Variants in GALNS observed in about 807,000 individuals in gnomAD.
GALNS encodes N-acetylgalactosamine-6-sulfatase.
Under a neutral mutation model 65.9 loss-of-function variants are expected in GALNS, and 65 were observed. The observed-to-expected ratio is 0.99, with a 90% confidence interval of 0.81 to 1.21. The LOEUF (loss-of-function observed/expected upper bound fraction) is 1.21. GALNS is among the 50% of genes most tolerant of loss of function. The pLI is 0.00. For synonymous variants in GALNS, 346 were observed against 288.9 expected (o/e 1.20, Z -2.00); for missense variants, 776 against 700.7 (o/e 1.11, Z -1.21).
Position 88,824,826 on chromosome 16 carries a change from G to C in GALNS, c.1183C>G (p.Leu395Val), listed in dbSNP as rs767701478. The change falls in exon 11 of 14, where the codon CTC becomes GTC. Residue 395 changes from leucine (L) to valine (V), a missense_variant. Leu to Val is a conservative substitution (Grantham distance 32). Transcript: ENST00000268695. ...YRGDTLMAATLGQHKAHFWTW... is the reference protein window; with the variant it reads ...YRGDTLMAATVGQHKAHFWTW... ...CAGAAGTGAGCCTTGTGCTGCCCGA[G>C]GGTGGCCGCCATCAGCGTGTCGCCA... 1.2e-6 allele frequency: 2 copies of C among 1,613,430 alleles called. No individual in the cohort carries two copies. The highest frequency in any genetic ancestry group is 1.7e-6 in the Non-Finnish European group (2 of 1,180,012).
chr16:88,847,656 G>T (rs1368588579), intron 1 of GALNS, among the ~76,000 whole-genome samples: 1 of 152,192 alleles, frequency 6.6e-6, no homozygotes, highest in African/African-American at 2.4e-5. Context: ...AGTTCACCAC[G>T]ACAGGGACTA....
intron 13 of GALNS, chr16:88,815,470 G>A (rs1909527024): frequency 1.0e-6 from 1 of 985,352 alleles, no homozygotes; most frequent in African/African-American, 1.7e-5. Context: ...CATCGCCTGG[G>A]TGTGTGTGGA....
chr16:88,841,898 G>A lies in GALNS; in HGVS notation c.318C>T (p.Asn106=), dbSNP rs34278797. The change falls in exon 3 of 14, where the codon AAC becomes AAT. Residue 106 remains asparagine (N), a splice_region_variant and synonymous_variant. Transcript: ENST00000268695. Reference sequence around the variant, plus strand: ...CCCTGGAGGCGGTGGGCAGCCTACCGTTTCTGGCATGGGCGTTGGTGGTGT... The same window carrying A: ...CCCTGGAGGCGGTGGGCAGCCTACCATTTCTGGCATGGGCGTTGGTGGTGT... ...GFYTTNAHAR[N]AYTPQEIVGG... is the part of the protein sequence containing the mutation. 37,580 of 1,612,518 alleles carry A rather than the reference G, an allele frequency of 0.023. 477 individuals are homozygous for A. Among genetic ancestry groups the A allele is most frequent in the Non-Finnish European group, 0.028 (32,565 of 1,179,340 alleles).
chr16:88,821,242 G>A (rs1038248693), intron 12 of GALNS, among the ~76,000 whole-genome samples: 1 of 152,158 alleles, frequency 6.6e-6, no homozygotes, highest in African/African-American at 2.4e-5. Context: ...GCTCCTTCCT[G>A]CCTCTTCCAG....
intron 11 of GALNS, among the ~76,000 whole-genome samples, chr16:88,823,658 C>T (rs1442935451): frequency 6.1e-5 from 4 of 65,352 alleles, no homozygotes; most frequent in Non-Finnish European, 1.2e-4. Context: ...GCGGCAATGC[C>T]GGGGACCGAT....
At chr16:88,814,607 C>G (rs1909441116) in intron 13 of GALNS, 82 bp from the exon 14 acceptor site, 9 of 1,544,280 alleles carry the variant, frequency 5.8e-6, no homozygotes, top group Non-Finnish European at 7.9e-6. Flanking sequence ...TTTGTTGTTG[C>G]TGTTCTGAGA....
At chr16:88,843,610 A>G in intron 1 of GALNS, 1 of 187,014 alleles carries the variant, frequency 5.3e-6, no homozygotes, top group South Asian at 1.1e-4. Context: ...TGCCGGGTGA[A>G]GGCCGAGGCC....
At chr16:88,815,422 T>TA in intron 13 of GALNS, 1 of 985,476 alleles carries the variant, frequency 1.0e-6, no homozygotes, top group South Asian at 4.7e-5. Context: ...GCTGCTGGGC[T>TA]CAGTTCAGTG....
Position 88,835,857 on chromosome 16 carries a change from G to C in GALNS, c.634-8C>G. On this transcript the variant is annotated splice_region_variant and splice_polypyrimidine_tract_variant and intron_variant, in intron 6 of 13. Transcript: ENST00000268695. ...AATGAAGTCCAGGGCTTCCTATGGA[G>C]AGAGCCACACCGTCGTCCTCCAGCC... 6.2e-7 allele frequency: 1 copy of C among 1,613,966 alleles called. No homozygotes were observed. Among genetic ancestry groups the C allele is most frequent in the Non-Finnish European group, 8.5e-7 (1 of 1,180,006 alleles).
Position 88,824,745 on chromosome 16 carries a change from G to A in GALNS, c.1242+22C>T, listed in dbSNP as rs755928173. 2.6e-5 allele frequency: 41 copies of A among 1,595,334 alleles called. 1 individual carries two copies. The Middle Eastern group carries it at 5.0e-4, about 20-fold the overall frequency. ...TAGAGATGGGGGCAGCTCCGCCTGC[G>A]CCCACGTCCCGAGCCCTGTACCTGT... On this transcript the variant is annotated intron_variant, in intron 11 of 13. Coordinates refer to ENST00000268695, the MANE Select transcript of GALNS (RefSeq NM_000512.5).
intron 12 of GALNS, among the ~76,000 whole-genome samples, chr16:88,822,037 G>T (rs1281476655): frequency 6.6e-6 from 1 of 152,170 alleles, no homozygotes; most frequent in East Asian, 1.9e-4. Flanking sequence ...CAAGTGTTGG[G>T]GCCTCTGTGT....
At chr16:88,835,559 A>C (rs1217547421) in intron 7 of GALNS, among the ~76,000 whole-genome samples, 166 bp downstream of exon 7, 1 of 152,162 alleles carries the variant, frequency 6.6e-6, no homozygotes, top group African/African-American at 2.4e-5. Flanking sequence ...CCCCCACCAC[A>C]GCCCTCCTCT....
rs565316792 is a variant in GALNS at position 88,829,960 on chromosome 16, C to T, written c.1002+2038G>A. On this transcript the variant is annotated intron_variant, in intron 9 of 13. Transcript: ENST00000268695. ...TCAAAAGTGGAACAGGCGCCGGGCGCGGTGGCTCACGCCTGTAATCCCAAC... is the reference window on the plus strand; with the variant it reads ...TCAAAAGTGGAACAGGCGCCGGGCGTGGTGGCTCACGCCTGTAATCCCAAC... Among the ~76,000 whole-genome samples the T allele has an allele frequency of 3.9e-5, 6 of 152,276 alleles. No individual in the cohort carries two copies. In the South Asian group the frequency reaches 8.3e-4, roughly 21 times the overall value.
At chr16:88,849,099 G>C (rs571190171) in intron 1 of GALNS, among the ~76,000 whole-genome samples, 2 of 152,268 alleles carry the variant, frequency 1.3e-5, no homozygotes, top group Non-Finnish European at 2.9e-5. Flanking sequence ...GGCCCTTTTA[G>C]CTTTGGATCC....
At chr16:88,847,734 C>A (rs570061123) in intron 1 of GALNS, among the ~76,000 whole-genome samples, 1 of 152,252 alleles carries the variant, frequency 6.6e-6, no homozygotes, top group Non-Finnish European at 1.5e-5. Flanking sequence ...AGTGAACTCA[C>A]TGGAAACTGG....
At chr16:88,842,351 G>A (rs1967015149) in intron 2 of GALNS, 4 of 510,332 alleles carry the variant, frequency 7.8e-6, no homozygotes, top group South Asian at 6.2e-5. Flanking sequence ...CAGCAGGAGA[G>A]ACTCTCCCCA....
rs1045855923 is a variant in GALNS at position 88,815,234 on chromosome 16, G to A, written c.1483-709C>T. 3 of 985,320 alleles carry A rather than the reference G, an allele frequency of 3.0e-6. No homozygotes were observed. In the African/African-American group the frequency reaches 5.2e-5, roughly 17 times the overall value. 61.0% of individuals were successfully genotyped at this position (985,320 alleles called of 1,614,324 possible). On this transcript the variant is annotated intron_variant, in intron 13 of 13. Coordinates refer to ENST00000268695, the MANE Select transcript of GALNS (RefSeq NM_000512.5). ...GGAGAAATGAGAACTTGGTGGGGAG[G>A]TCCCGGGTATGGGGGATGCAGCTGC...
intron 1 of GALNS, 133 bp from the exon 2 acceptor site, chr16:88,842,962 A>G: frequency 6.5e-7 from 1 of 1,530,204 alleles, no homozygotes; most frequent in East Asian, 2.4e-5. Flanking sequence ...AGCCAGCGGC[A>G]GAGCTCGGCC....
At chr16:88,826,898 G>A (rs577300851) in intron 9 of GALNS, 60 bp from the exon 10 acceptor site, 7 of 1,545,658 alleles carry the variant, frequency 4.5e-6, no homozygotes, top group Non-Finnish European at 6.1e-6. Flanking sequence ...GGGGCTGGGG[G>A]CCAATCCCTG....
Sources: allele counts gnomAD v4.1 joint callset (sites outside exome capture counted in the v4.1 genomes callset), GRCh38; gene constraint gnomAD v4.1.1; transcripts MANE v1.5; gene names NCBI Gene and HGNC (gene_info 2026-07-23, HGNC 2026-07-21).